The following CD36 variants were observed in gnomAD, a reference collection of about 807,000 sequenced individuals.
CD36 encodes the protein CD36 molecule (CD36 blood group).
Under a neutral mutation model 55.2 loss-of-function variants are expected in CD36, and 119 were observed. The observed-to-expected ratio is 2.15, with a 90% CI of 1.86 to 2.51. The LOEUF (loss-of-function observed/expected upper bound fraction) is 2.51, where lower values mean the gene tolerates loss of function less well. Among genes scored for constraint, CD36 ranks in the 30% most tolerant of loss-of-function variants. The pLI is 0.00. For missense variants in CD36, 819 were observed against 555.5 expected (o/e 1.47, Z -4.77); for synonymous variants, 186 against 193.6 (o/e 0.96, Z 0.33).
rs1049313916 is a variant in CD36 at position 80,638,720 on chromosome 7, G to A, written c.-210G>A. On this transcript the variant is annotated 5_prime_UTR_variant, in exon 1 of 15. Transcript: ENST00000447544. ...TGTCCAAATGTTGGAGCATTTGATT[G>A]AAAAATCCTTCTTAGCCATTTTAAA... The A allele has an allele frequency of 1.3e-4, 19 of 151,714 alleles. No homozygotes were observed. Among genetic ancestry groups the A allele is most frequent in the African/African-American group, 4.6e-4 (19 of 41,338 alleles). The allele number at this position is 151,714 out of a possible 1,614,324, so 9.4% of individuals were successfully genotyped here. A position where few individuals can be genotyped will look rare whatever the true frequency, so the allele number is the denominator to read the frequency against.
intron 14 of CD36, 117 bp downstream of exon 14, chr7:80,674,264 A>G (rs1261335571): frequency 7.1e-6 from 5 of 709,200 alleles, no homozygotes; most frequent in African/African-American, 1.8e-5. Context: ...ATGTCTAGCC[A>G]CTGATCATTT....
upstream of CD36, among the ~76,000 whole-genome samples, chr7:80,634,755 T>C (rs1794283970): frequency 6.6e-6 from 1 of 152,154 alleles, no homozygotes; most frequent in African/African-American, 2.4e-5. Context: ...CCAAAAGTAC[T>C]GTTAAAAGGA....
At chr7:80,610,552 T>TTTTA (rs58416983) in intron 1 of CD36, among the ~76,000 whole-genome samples, 10,911 of 151,792 alleles carry the variant, frequency 0.072, 900 homozygotes, top group African/African-American at 0.2. Flanking sequence ...GTTATTTTAA[T>TTTTA]TTTATTTATT....
Position 80,664,413 on chromosome 7 carries a change from A to T in CD36, c.617A>T (p.Asn206Ile), listed in dbSNP as rs771881270. ...CCCATACATATATTTCAGTACAACA[A>T]TACTGCAGATGGAGTTTATAAAGTT... ...TTVGLFYPYNNTADGVYKVFN... is the reference protein window; with the variant it reads ...TTVGLFYPYNITADGVYKVFN... Residue 206 changes from asparagine (N) to isoleucine (I), a missense_variant, in exon 7 of 15, where the codon AAT (asparagine) becomes ATT (isoleucine). Coordinates refer to ENST00000447544, the MANE Select transcript of CD36 (RefSeq NM_001001548.3). 2 of 1,536,624 alleles carry T rather than the reference A, an allele frequency of 1.3e-6. No homozygotes were observed. Among genetic ancestry groups the T allele is most frequent in the South Asian group, 1.1e-5 (1 of 89,532 alleles).
intron 1 of CD36, among the ~76,000 whole-genome samples, chr7:80,629,756 T>G (rs1793965669): frequency 1.3e-5 from 2 of 152,036 alleles, no homozygotes; most frequent in Admixed American, 1.3e-4. Context: ...TTCATTGTTC[T>G]TCATGTGTAG....
At chr7:80,665,646 C>CTAGT (rs1268294668) in intron 7 of CD36, among the ~76,000 whole-genome samples, 3 of 151,942 alleles carry the variant, frequency 2.0e-5, no homozygotes, top group African/African-American at 7.3e-5. Flanking sequence ...CAAAGCACTC[C>CTAGT]TAGTTAGAGT....
intron 14 of CD36, chr7:80,674,356 A>G (rs1453688616): frequency 1.9e-6 from 1 of 520,860 alleles, no homozygotes; most frequent in Non-Finnish European, 3.4e-6. Context: ...AATGAGATAA[A>G]AGATGTACTT....
intron 1 of CD36, among the ~76,000 whole-genome samples, chr7:80,613,612 A>G (rs1792993619): frequency 6.6e-6 from 1 of 152,134 alleles, no homozygotes; most frequent in African/African-American, 2.4e-5. Flanking sequence ...TAAGAAGTAA[A>G]AATCACAGTG....
At chr7:80,604,306 G>A (rs1414228175) in intron 1 of CD36, among the ~76,000 whole-genome samples, 3 of 128,294 alleles carry the variant, frequency 2.3e-5, no homozygotes, top group Non-Finnish European at 4.8e-5. Context: ...TAGTTTTAGT[G>A]TTCTGTTGTA....
intron 1 of CD36, among the ~76,000 whole-genome samples, chr7:80,638,972 A>G (rs904824182): frequency 1.3e-5 from 2 of 151,962 alleles, no homozygotes; most frequent in South Asian, 2.1e-4. Flanking sequence ...ACCATACCCA[A>G]TGGCATTTCA....
chr7:80,648,113 C>A (rs1050812309), intron 3 of CD36, among the ~76,000 whole-genome samples: 2 of 152,146 alleles, frequency 1.3e-5, no homozygotes, highest in Non-Finnish European at 2.9e-5. Flanking sequence ...GTATCCCCTG[C>A]CTTGGAATTC....
rs759555530 is a variant in CD36 at position 80,673,960 on chromosome 7, G to A, written c.1255-23G>A. 3.8e-6 allele frequency: 6 copies of A among 1,596,146 alleles called. No individual in the cohort carries two copies. In the African/African-American group the frequency reaches 4.0e-5, roughly 11 times the overall value. Reference sequence around the variant, plus strand: ...TGTTTTACTAACGTACCCAAATAATGTTGATTATTAACTTGATTACAGACT... The same window carrying A: ...TGTTTTACTAACGTACCCAAATAATATTGATTATTAACTTGATTACAGACT... On this transcript the variant is annotated intron_variant, in intron 13 of 14. Coordinates refer to ENST00000447544, the MANE Select transcript of CD36 (RefSeq NM_001001548.3).
intron 5 of CD36, among the ~76,000 whole-genome samples, chr7:80,661,807 G>C (rs1185839070): frequency 6.6e-6 from 1 of 152,168 alleles, no homozygotes; most frequent in Non-Finnish European, 1.5e-5. Context: ...AAATAAAGTC[G>C]ATAAGGTTGA....
intron 6 of CD36, among the ~76,000 whole-genome samples, chr7:80,663,646 T>C (rs1796740891): frequency 6.6e-6 from 1 of 152,168 alleles, no homozygotes; most frequent in South Asian, 2.1e-4. Context: ...TTCATTTTAA[T>C]GGGATTTGTA....
chr7:80,605,783 C>A (rs1196281620), intron 1 of CD36, among the ~76,000 whole-genome samples: 1 of 152,128 alleles, frequency 6.6e-6, no homozygotes, highest in East Asian at 1.9e-4. Context: ...CCTGGGAAGA[C>A]CTTTAATTTC....
In CD36 at chr7:80,628,583, G is replaced by A. The variant is rs112046474; in HGVS notation, c.-183-17505G>A. ...TCTTGACTGCACTCATGAGCTAGAA[G>A]TTTGATTAAGTGTTTTAGTTTATTA... On this transcript the variant is annotated intron_variant, in intron 1 of 13. Transcript: ENST00000309881. Among the ~76,000 whole-genome samples, 1,313 of 152,136 alleles carry A rather than the reference G, an allele frequency of 8.6e-3. 19 individuals are homozygous for A. The highest frequency in any genetic ancestry group is 0.03 in the African/African-American group (1,258 of 41,514).
At chr7:80,673,084 CTA>C (rs1469335899) in intron 12 of CD36, 23 of 525,338 alleles carry the variant, frequency 4.4e-5, no homozygotes, top group Non-Finnish European at 7.7e-5. Context: ...CCAAATATTT[CTA>C]TGACAATAAT....
At chr7:80,644,448 A>T (rs1795014543) in intron 1 of CD36, among the ~76,000 whole-genome samples, 1 of 152,238 alleles carries the variant, frequency 6.6e-6, no homozygotes, top group African/African-American at 2.4e-5. Context: ...TATACTGGAA[A>T]GTATCCTATG....
intron 10 of CD36, 109 bp from the exon 11 acceptor site, chr7:80,671,813 C>G (rs1797698097): frequency 1.1e-6 from 1 of 931,262 alleles, no homozygotes; most frequent in Non-Finnish European, 1.7e-6. Context: ...TGTTAAAAAC[C>G]ATGTATTTTT....
Sources: allele counts gnomAD v4.1 joint callset (sites outside exome capture counted in the v4.1 genomes callset), GRCh38; gene constraint gnomAD v4.1.1; transcripts MANE v1.5; gene names NCBI Gene and HGNC (gene_info 2026-07-23, HGNC 2026-07-21).